DISP1: variants seen among roughly 807,000 people sequenced by gnomAD.
DISP1 encodes the protein dispatched RND transporter family member 1, also known as protein dispatched homolog 1.
A neutral mutation model predicts 37.3 loss-of-function variants in DISP1; 30 were observed. The ratio of observed to expected loss-of-function variants is 0.80; its 90% confidence interval spans 0.60 to 1.09. The LOEUF is 1.09. Ranked by LOEUF, DISP1 falls within the 50% of genes least tolerant of loss-of-function variation. The probability of loss-of-function intolerance (pLI) is 0.00; values close to 1 mark genes in which losing one functional copy is unlikely to be tolerated. For missense variants in DISP1, 1,598 were observed against 1,879.5 expected (o/e 0.85, Z 2.77); for synonymous variants, 634 against 690.2 (o/e 0.92, Z 1.28).
At chr1:222,820,212 C>T (rs928277395) in intron 1 of DISP1, among the ~76,000 whole-genome samples, 3 of 150,740 alleles carry the variant, frequency 2.0e-5, no homozygotes, top group Non-Finnish European at 3.0e-5. Flanking sequence ...TTGATTGTTA[C>T]GAGAATGGAG....
chr1:222,922,204 A>T (rs1254934575), intron 1 of DISP1, among the ~76,000 whole-genome samples: 3 of 152,024 alleles, frequency 2.0e-5, no homozygotes. Context: ...CTTGTGTGCC[A>T]GCTAAGATGT....
intron 3 of DISP1, chr1:222,946,029 A>G (rs1269325971): frequency 1.3e-5 from 2 of 152,114 alleles, no homozygotes; most frequent in African/African-American, 4.8e-5. Context: ...TTTGTAGAAG[A>G]AAGTAGATTA....
intron 2 of DISP1, among the ~76,000 whole-genome samples, chr1:222,936,631 C>A (rs1468548091): frequency 2.6e-4 from 27 of 102,752 alleles, no homozygotes; most frequent in African/African-American, 1.1e-3. Flanking sequence ...ATATATCTCT[C>A]ATATATATGA....
chr1:222,978,737 A>G (rs1213340301), intron 3 of DISP1, among the ~76,000 whole-genome samples: 7 of 152,210 alleles, frequency 4.6e-5, no homozygotes, highest in Non-Finnish European at 4.4e-5. Flanking sequence ...CTTTCTACAT[A>G]TGGCTAGCCA....
intron 1 of DISP1, among the ~76,000 whole-genome samples, chr1:222,860,625 G>A (rs138885944): frequency 3.9e-5 from 6 of 151,948 alleles, no homozygotes; most frequent in South Asian, 2.1e-4. Context: ...GGTCGCTCAC[G>A]CCTGTAATCC....
At chr1:222,848,311 G>A (rs976663445) in intron 1 of DISP1, among the ~76,000 whole-genome samples, 13 of 152,068 alleles carry the variant, frequency 8.5e-5, no homozygotes, top group Admixed American at 7.9e-4. Context: ...GGTCAGTGTG[G>A]TGCCAGTCGT....
At chr1:222,874,052 T>G (rs1053208042) in intron 1 of DISP1, among the ~76,000 whole-genome samples, 2 of 152,222 alleles carry the variant, frequency 1.3e-5, no homozygotes, top group African/African-American at 4.8e-5. Flanking sequence ...TGGCTGGATA[T>G]GAAATTCTGG....
intron 3 of DISP1, among the ~76,000 whole-genome samples, chr1:222,977,040 T>G (rs66801224): frequency 0.36 from 54,802 of 152,060 alleles, 10,333 homozygotes; most frequent in Middle Eastern, 0.47. Context: ...AGCATATTCT[T>G]TTTTTTGAGA....
chr1:222,951,891 C>T lies in DISP1; in HGVS notation c.509+8559C>T, dbSNP rs1471905907. 6.6e-5 allele frequency among the ~76,000 whole-genome samples: 10 copies of T among 152,244 alleles called. No individual in the cohort carries two copies. In the East Asian group the frequency reaches 1.5e-3, roughly 24 times the overall value. ...AGAATAGCTGTTGTATTCTCTGGAG[C>T]ACAGAAGTTAAATACCAGTGCTTTT... On this transcript the variant is annotated intron_variant, in intron 3 of 8. Coordinates refer to ENST00000675850, the MANE Select transcript of DISP1 (RefSeq NM_001377229.1).
At chr1:222,895,482 G>T (rs964028404) in intron 1 of DISP1, among the ~76,000 whole-genome samples, 74 of 152,020 alleles carry the variant, frequency 4.9e-4, no homozygotes, top group African/African-American at 1.7e-3. Context: ...ATCATTTTTC[G>T]CAATCTGTGA....
rs138001023 is a variant in DISP1 at position 222,917,267 on chromosome 1, G to A, written c.-158-11163G>A. ...CCCTTCATTCAGTCCTGTGGTAACC[G>A]TAGTAACTGTGGCAAACTGCGGCAA... On this transcript the variant is annotated intron_variant, in intron 1 of 8. Coordinates refer to ENST00000675850, the MANE Select transcript of DISP1 (RefSeq NM_001377229.1). Among the ~76,000 whole-genome samples the A allele has an allele frequency of 4.1e-3, 631 of 152,244 alleles. 12 individuals carry two copies. The highest frequency in any genetic ancestry group is 0.017 in the South Asian group (81 of 4,820).
intron 1 of DISP1, among the ~76,000 whole-genome samples, chr1:222,874,225 A>G (rs578260863): frequency 9.2e-5 from 14 of 151,518 alleles, no homozygotes; most frequent in African/African-American, 3.1e-4. Flanking sequence ...CTTCATTTCA[A>G]CTTTGGTGAA....
At chr1:222,932,505 A>T (rs548862644) in intron 2 of DISP1, among the ~76,000 whole-genome samples, 1 of 151,986 alleles carries the variant, frequency 6.6e-6, no homozygotes, top group East Asian at 1.9e-4. Flanking sequence ...ACTTTGTAGA[A>T]TTTTTTTAAA....
intron 1 of DISP1, among the ~76,000 whole-genome samples, chr1:222,836,466 C>T (rs1234859359): frequency 6.6e-6 from 1 of 152,052 alleles, no homozygotes; most frequent in East Asian, 1.9e-4. Context: ...TTTATTTTCA[C>T]TGGAAGATAG....
chr1:222,903,241 T>A (rs1671706483), intron 1 of DISP1, among the ~76,000 whole-genome samples: 1 of 134,738 alleles, frequency 7.4e-6, no homozygotes. Context: ...AGGTGGGAAT[T>A]GAACAACGAG....
intron 1 of DISP1, among the ~76,000 whole-genome samples, chr1:222,895,039 CT>C (rs1671169190): frequency 6.6e-6 from 1 of 152,084 alleles, no homozygotes; most frequent in Admixed American, 6.5e-5. Flanking sequence ...TTCTTCTTTC[CT>C]TATTTTGGGG....
chr1:222,879,179 A>G (rs1418248975), intron 1 of DISP1, among the ~76,000 whole-genome samples: 1 of 152,166 alleles, frequency 6.6e-6, no homozygotes, highest in Non-Finnish European at 1.5e-5. Context: ...TTTGTTTTAA[A>G]AACAAGGTTA....
intron 1 of DISP1, among the ~76,000 whole-genome samples, chr1:222,819,172 C>G (rs1572098711): frequency 6.6e-6 from 1 of 152,290 alleles, no homozygotes; most frequent in East Asian, 1.9e-4. Context: ...TTCTCCTGCT[C>G]CAGCCATGTA....
At chr1:222,979,695 T>C (rs1360641399) in intron 3 of DISP1, 4 of 470,514 alleles carry the variant, frequency 8.5e-6, no homozygotes, top group Non-Finnish European at 1.8e-5. Flanking sequence ...CCAGTCTGTG[T>C]AAAGCTGCTA....
Sources: gnomAD v4.1 joint callset for allele counts (sites outside exome capture counted in the v4.1 genomes callset) on GRCh38, gnomAD v4.1.1 for gene constraint, MANE v1.5 for transcripts, NCBI Gene and HGNC (gene_info 2026-07-23, HGNC 2026-07-21) for gene names.